The following LIMK2 variants were observed in gnomAD, a reference collection of about 807,000 sequenced individuals.
LIMK2 encodes the protein LIM domain kinase 2.
In LIMK2, 35 loss-of-function variants were observed where a neutral mutation model predicts 75.7. The observed-to-expected ratio is 0.46, with a 90% CI of 0.35 to 0.61. The LOEUF (loss-of-function observed/expected upper bound fraction) is 0.61, where lower values mean the gene tolerates loss of function less well. LIMK2 is among the 20% of genes least tolerant of loss of function. The pLI is 0.00. For synonymous variants in LIMK2, 301 were observed against 319.2 expected (o/e 0.94, Z 0.61); for missense variants, 623 against 831.0 (o/e 0.75, Z 3.08).
chr22:31,243,708 T>C (rs535705372), intron 2 of LIMK2, among the ~76,000 whole-genome samples: 101 of 152,376 alleles, frequency 6.6e-4, no homozygotes, highest in African/African-American at 2.4e-3. Flanking sequence ...TTCCTGCAGT[T>C]GCCTCTGGCA....
At chr22:31,276,870 C>T in intron 15 of LIMK2, 11 of 1,612,444 alleles carry the variant, frequency 6.8e-6, no homozygotes, top group Non-Finnish European at 9.3e-6. Flanking sequence ...AGGTCACCAT[C>T]AAGTATGACC....
intron 2 of LIMK2, among the ~76,000 whole-genome samples, chr22:31,257,790 T>C (rs777923038): frequency 1.3e-4 from 20 of 152,188 alleles, no homozygotes; most frequent in Non-Finnish European, 2.2e-4. Flanking sequence ...CTTAACGTAT[T>C]TTTGGCAAGA....
At chr22:31,257,206 C>T (rs1298170547) in intron 2 of LIMK2, among the ~76,000 whole-genome samples, 1 of 151,734 alleles carries the variant, frequency 6.6e-6, no homozygotes, top group Non-Finnish European at 1.5e-5. Flanking sequence ...ATGGATCTAA[C>T]ATGTACATCT....
chr22:31,251,262 A>C (rs988201269), intron 2 of LIMK2, among the ~76,000 whole-genome samples: 2 of 152,208 alleles, frequency 1.3e-5, no homozygotes, highest in Non-Finnish European at 2.9e-5. Context: ...TGATTTAATG[A>C]GCTTGGGTTT....
Position 31,212,632 on chromosome 22 carries a change from C to T in LIMK2, c.16+208C>T, listed in dbSNP as rs143633004. On this transcript the variant is annotated intron_variant, in intron 1 of 15. Transcript: ENST00000331728. ...CTCCGGGAATGGGGAGGCAGGGCAT[C>T]CTGGAGACAGAGGGCTCCGAGGGGC... 8.0e-4 allele frequency among the ~76,000 whole-genome samples: 121 copies of T among 152,056 alleles called. 1 individual carries two copies. The East Asian group carries it at 0.023, about 29-fold the overall frequency.
At chr22:31,228,446 A>G (rs1378110032) in intron 2 of LIMK2, among the ~76,000 whole-genome samples, 2 of 152,056 alleles carry the variant, frequency 1.3e-5, no homozygotes, top group Non-Finnish European at 2.9e-5. Flanking sequence ...CCAAGAGTAC[A>G]GGCTATGGAA....
At chr22:31,273,000 G>T in intron 13 of LIMK2, 1 of 1,185,372 alleles carries the variant, frequency 8.4e-7, no homozygotes, top group Non-Finnish European at 1.0e-6. Context: ...TCTCTCCATG[G>T]TGAGAACTGA....
At chr22:31,264,005 GT>G (rs563308760) in intron 7 of LIMK2, among the ~76,000 whole-genome samples, 2 of 151,390 alleles carry the variant, frequency 1.3e-5, no homozygotes, top group African/African-American at 2.4e-5. Flanking sequence ...AAAAAAGTTT[GT>G]TTTTTTTTAT....
chr22:31,255,684 C>T (rs943924769), intron 2 of LIMK2, among the ~76,000 whole-genome samples: 4 of 152,168 alleles, frequency 2.6e-5, no homozygotes, highest in African/African-American at 9.7e-5. Context: ...TCTTCATAAG[C>T]TCATGAAAGG....
At chr22:31,261,135 G>A (rs553044551) in intron 5 of LIMK2, among the ~76,000 whole-genome samples, 3 of 152,244 alleles carry the variant, frequency 2.0e-5, no homozygotes, top group African/African-American at 7.2e-5. Flanking sequence ...GGCCAACATA[G>A]CAAGACCCCG....
chr22:31,220,833 A>G (rs1055794099), intron 1 of LIMK2, among the ~76,000 whole-genome samples: 16 of 152,144 alleles, frequency 1.1e-4, no homozygotes, highest in African/African-American at 3.1e-4. Flanking sequence ...GTCGTGGCGC[A>G]TGCCCACAAT....
chr22:31,217,673 T>C (rs2048399750), intron 1 of LIMK2, among the ~76,000 whole-genome samples: 1 of 152,214 alleles, frequency 6.6e-6, no homozygotes, highest in East Asian at 1.9e-4. Flanking sequence ...TAACCAGTTC[T>C]CTGATAAAGA....
At chr22:31,231,644 T>G (rs2048529766) in intron 2 of LIMK2, among the ~76,000 whole-genome samples, 1 of 152,160 alleles carries the variant, frequency 6.6e-6, no homozygotes, top group African/African-American at 2.4e-5. Context: ...TTAATCCTGC[T>G]CTTTACTTTG....
intron 7 of LIMK2, among the ~76,000 whole-genome samples, chr22:31,263,251 A>G (rs975145472): frequency 6.6e-6 from 1 of 152,190 alleles, no homozygotes; most frequent in African/African-American, 2.4e-5. Context: ...ATGGGGAAGG[A>G]GAAGTTGCCT....
At chr22:31,236,065 T>C (rs8139160) in intron 2 of LIMK2, among the ~76,000 whole-genome samples, 120,431 of 151,916 alleles carry the variant, frequency 0.79, 48,635 homozygotes, top group African/African-American at 0.95. Flanking sequence ...GAGGCCGAGG[T>C]GGGCAGATCA....
intron 2 of LIMK2, among the ~76,000 whole-genome samples, chr22:31,228,049 T>A (rs186960500): frequency 1.4e-4 from 21 of 147,676 alleles, no homozygotes; most frequent in Non-Finnish European, 2.2e-4. Flanking sequence ...TGTGTGTGTG[T>A]GAGATAGAGA....
chr22:31,214,689 C>T (rs1226310910), intron 1 of LIMK2, among the ~76,000 whole-genome samples: 2 of 152,024 alleles, frequency 1.3e-5, no homozygotes, highest in Non-Finnish European at 2.9e-5. Flanking sequence ...GCAAAAAAAG[C>T]TCACAGAGCA....
intron 12 of LIMK2, 75 bp downstream of exon 12, chr22:31,271,276 T>C (rs2048954159): frequency 7.7e-7 from 1 of 1,305,866 alleles, no homozygotes; most frequent in African/African-American, 1.5e-5. Flanking sequence ...GGAGGCTGAC[T>C]TGTCCCCTCT....
At chr22:31,243,317 G>C (rs1205744304) in intron 2 of LIMK2, among the ~76,000 whole-genome samples, 1 of 152,142 alleles carries the variant, frequency 6.6e-6, no homozygotes, top group African/African-American at 2.4e-5. Flanking sequence ...AGTAGATGGG[G>C]GTGGTAATGC....
Sources: gnomAD v4.1 joint callset for allele counts (sites outside exome capture counted in the v4.1 genomes callset) on GRCh38, gnomAD v4.1.1 for gene constraint, MANE v1.5 for transcripts, NCBI Gene and HGNC (gene_info 2026-07-23, HGNC 2026-07-21) for gene names.